The following PGGT1B variants were observed in gnomAD, a reference collection of about 807,000 sequenced individuals.
PGGT1B encodes the protein geranylgeranyl transferase type-1 subunit beta.
A neutral mutation model predicts 46.1 loss-of-function variants in PGGT1B; 30 were observed. The observed-to-expected ratio is 0.65, with a 90% CI of 0.49 to 0.88. PGGT1B has a LOEUF of 0.88. PGGT1B is among the 40% of genes least tolerant of loss of function. The probability of loss-of-function intolerance (pLI) is 0.00; values close to 1 mark genes in which losing one functional copy is unlikely to be tolerated. For synonymous variants in PGGT1B, 170 were observed against 160.0 expected, an observed-to-expected ratio of 1.06 and a Z score of -0.47; for missense variants, 376 against 455.9, an observed-to-expected ratio of 0.82 and a Z score of 1.60.
chr5:115,220,305 A>C (rs1186955195), intron 7 of PGGT1B, among the ~76,000 whole-genome samples: 1 of 151,930 alleles, frequency 6.6e-6, no homozygotes, highest in Non-Finnish European at 1.5e-5. Flanking sequence ...GCCATGTCAT[A>C]AATAAACCCT....
intron 7 of PGGT1B, among the ~76,000 whole-genome samples, chr5:115,217,293 T>A (rs930054272): frequency 6.6e-6 from 1 of 151,934 alleles, no homozygotes; most frequent in African/African-American, 2.4e-5. Flanking sequence ...AGTACAATTT[T>A]ATCTACCCAT....
chr5:115,250,839 C>T (rs1432564721), intron 2 of PGGT1B, among the ~76,000 whole-genome samples: 1 of 152,100 alleles, frequency 6.6e-6, no homozygotes, highest in Non-Finnish European at 1.5e-5. Context: ...ACTGGTTTGA[C>T]CTATTTTTGT....
chr5:115,240,833 C>T (rs966039203), intron 3 of PGGT1B, among the ~76,000 whole-genome samples: 6 of 152,026 alleles, frequency 3.9e-5, no homozygotes, highest in African/African-American at 7.2e-5. Flanking sequence ...GGTGTGAGGC[C>T]GCTTTAGAAA....
intron 3 of PGGT1B, among the ~76,000 whole-genome samples, chr5:115,240,165 C>G (rs1757305781): frequency 6.6e-6 from 1 of 151,978 alleles, no homozygotes; most frequent in African/African-American, 2.4e-5. Flanking sequence ...ACCTAGCTTG[C>G]CCAGAAGATA....
At chr5:115,219,796 C>T (rs1288148804) in intron 7 of PGGT1B, among the ~76,000 whole-genome samples, 1 of 151,496 alleles carries the variant, frequency 6.6e-6, no homozygotes, top group Non-Finnish European at 1.5e-5. Flanking sequence ...ATATATCTCC[C>T]AAGAAGATAT....
intron 2 of PGGT1B, among the ~76,000 whole-genome samples, chr5:115,246,376 C>G (rs1332283898): frequency 1.3e-5 from 2 of 151,692 alleles, no homozygotes; most frequent in Non-Finnish European, 2.9e-5. Context: ...AAAAAATTCA[C>G]CACTTAAAAA....
chr5:115,222,133 A>G lies in PGGT1B; in HGVS notation c.659-125T>C, dbSNP rs1756606651. The G allele has an allele frequency of 3.4e-5, 17 of 505,584 alleles. No homozygotes were observed. In the Admixed American group the frequency reaches 5.8e-4, roughly 17 times the overall value. 31.3% of individuals were successfully genotyped at this position (505,584 alleles called of 1,614,324 possible). On this transcript the variant is annotated intron_variant, in intron 6 of 8. Transcript: ENST00000419445. ...AAATAGTGAAATAAAATTTAAATTT[A>G]AAAGATGAGATTTTAAAATAACCAC...
At chr5:115,231,969 T>A (rs1309927638) in intron 5 of PGGT1B, among the ~76,000 whole-genome samples, 2 of 152,038 alleles carry the variant, frequency 1.3e-5, no homozygotes, top group Non-Finnish European at 2.9e-5. Flanking sequence ...CAAAGTCTGT[T>A]AGGAATTGGT....
At chr5:115,250,230 A>G (rs990487965) in intron 2 of PGGT1B, among the ~76,000 whole-genome samples, 2 of 152,204 alleles carry the variant, frequency 1.3e-5, no homozygotes, top group Non-Finnish European at 2.9e-5. Flanking sequence ...TCAAAGTAGG[A>G]CAAATACAGA....
chr5:115,240,906 C>A (rs568117638), intron 3 of PGGT1B, among the ~76,000 whole-genome samples: 2 of 152,294 alleles, frequency 1.3e-5, no homozygotes, highest in African/African-American at 2.4e-5. Flanking sequence ...ACATATGGAA[C>A]ACCTACAAAG....
intron 2 of PGGT1B, among the ~76,000 whole-genome samples, chr5:115,247,870 G>T (rs1019939364): frequency 3.3e-5 from 5 of 152,084 alleles, no homozygotes; most frequent in African/African-American, 4.8e-5. Context: ...TCTGTGGAAT[G>T]GTCTACCAGA....
chr5:115,244,511 C>T (rs1268690687), intron 2 of PGGT1B, among the ~76,000 whole-genome samples: 1 of 150,600 alleles, frequency 6.6e-6, no homozygotes, highest in African/African-American at 2.4e-5. Flanking sequence ...CTAACACACC[C>T]CCCATATTCC....
intron 7 of PGGT1B, among the ~76,000 whole-genome samples, chr5:115,220,026 A>C (rs1756539686): frequency 6.6e-6 from 1 of 151,772 alleles, no homozygotes; most frequent in African/African-American, 2.4e-5. Context: ...TGCTGTGGAA[A>C]AGTTTGGCAT....
At chr5:115,228,660 T>C (rs537762885) in intron 6 of PGGT1B, among the ~76,000 whole-genome samples, 1 of 151,878 alleles carries the variant, frequency 6.6e-6, no homozygotes, top group Admixed American at 6.6e-5. Context: ...AGCCTTGAGA[T>C]TTAGGAAGAA....
intron 7 of PGGT1B, among the ~76,000 whole-genome samples, chr5:115,219,936 CAG>C (rs1756536235): frequency 6.6e-6 from 1 of 151,478 alleles, no homozygotes; most frequent in African/African-American, 2.4e-5. Context: ...TAAAAACAAA[CAG>C]AAAAAACAAA....
At chr5:115,218,131 AAC>A (rs1342025670) in intron 7 of PGGT1B, among the ~76,000 whole-genome samples, 2 of 151,868 alleles carry the variant, frequency 1.3e-5, no homozygotes, top group Non-Finnish European at 2.9e-5. Context: ...TATAACGGGT[AAC>A]AATTTGTTGG....
At chr5:115,254,544 T>A (rs752288078) in intron 1 of PGGT1B, among the ~76,000 whole-genome samples, 38 of 152,068 alleles carry the variant, frequency 2.5e-4, no homozygotes, top group Non-Finnish European at 4.6e-4. Flanking sequence ...ATTTTTGGAT[T>A]AGGGATGCTC....
rs1286505767 is a variant in PGGT1B at position 115,205,046 on chromosome 5, G to A, written c.*7356C>T. ...CATTAACAGGCTAGCATACTACTTA[G>A]TTGCACTTTATCAAATCGATTTTAG... On this transcript the variant is annotated 3_prime_UTR_variant, in exon 9 of 9. Transcript: ENST00000419445. 2.0e-5 allele frequency: 3 copies of A among 152,136 alleles called. No homozygotes were observed. Among genetic ancestry groups the A allele is most frequent in the African/African-American group, 7.2e-5 (3 of 41,422 alleles). The allele number at this position is 152,136 out of a possible 1,614,324, so 9.4% of individuals were successfully genotyped here.
intron 6 of PGGT1B, among the ~76,000 whole-genome samples, chr5:115,230,103 T>A (rs1756930509): frequency 6.6e-6 from 1 of 152,074 alleles, no homozygotes; most frequent in African/African-American, 2.4e-5. Context: ...ATATCTCTTA[T>A]AATACTAACA....
Sources: gnomAD v4.1 joint callset for allele counts (sites outside exome capture counted in the v4.1 genomes callset) on GRCh38, gnomAD v4.1.1 for gene constraint, MANE v1.5 for transcripts, NCBI Gene and HGNC (gene_info 2026-07-23, HGNC 2026-07-21) for gene names.